Variants in CCDC30 observed in about 807,000 individuals in gnomAD.
CCDC30 encodes coiled-coil domain containing 30, also known as coiled-coil domain-containing protein 30.
A neutral mutation model predicts 100.2 loss-of-function variants in CCDC30; 70 were observed. That is an observed-to-expected ratio of 0.70 (90% CI 0.58 to 0.85). CCDC30 has a LOEUF of 0.85. Among genes scored for constraint, CCDC30 ranks in the 40% least tolerant of loss-of-function variants. The probability of loss-of-function intolerance (pLI) is 0.00; values close to 1 mark genes in which losing one functional copy is unlikely to be tolerated. For missense variants in CCDC30, 652 were observed against 771.2 expected, an observed-to-expected ratio of 0.85 and a Z score of 1.83; for synonymous variants, 233 against 269.5, an observed-to-expected ratio of 0.86 and a Z score of 1.33.
chr1:42,525,553 A>G (rs1315983394), intron 6 of CCDC30, among the ~76,000 whole-genome samples: 2 of 152,042 alleles, frequency 1.3e-5, no homozygotes, highest in Non-Finnish European at 2.9e-5. Context: ...GTCTGTTTCT[A>G]TTCACTGATT....
Position 42,506,911 on chromosome 1 carries a change from C to T in CCDC30, c.456+7995C>T, listed in dbSNP as rs546971854. Reference sequence around the variant, plus strand: ...ATCCTGTTCAAAGCCAAAATTTATCCTTGCATTGGTTTAATGTTAACCCCA... The same window carrying T: ...ATCCTGTTCAAAGCCAAAATTTATCTTTGCATTGGTTTAATGTTAACCCCA... On this transcript the variant is annotated intron_variant, in intron 6 of 16. Coordinates refer to ENST00000668663, the Ensembl canonical transcript of CCDC30. Among the ~76,000 whole-genome samples, 11 of 152,228 alleles carry T rather than the reference C, an allele frequency of 7.2e-5. 2 individuals are homozygous for T. The South Asian group carries it at 2.3e-3, about 32-fold the overall frequency.
chr1:42,496,205 ATGT>A (rs1307897257), intron 4 of CCDC30, among the ~76,000 whole-genome samples: 2 of 151,214 alleles, frequency 1.3e-5, no homozygotes, highest in South Asian at 4.2e-4. Context: ...TATGGCAGTA[ATGT>A]TGTGAAGATA....
At chr1:42,548,372 G>A (rs1645185379) in intron 6 of CCDC30, among the ~76,000 whole-genome samples, 1 of 152,134 alleles carries the variant, frequency 6.6e-6, no homozygotes, top group South Asian at 2.1e-4. Flanking sequence ...ATCCAGGGTT[G>A]GGGTTTTGCC....
At chr1:42,622,557 C>T (rs1012224971) in intron 11 of CCDC30, among the ~76,000 whole-genome samples, 1 of 152,056 alleles carries the variant, frequency 6.6e-6, no homozygotes. Flanking sequence ...AACTCTGCCT[C>T]CCAGGTTCAA....
chr1:42,608,225 G>A (rs1249826419), intron 10 of CCDC30, among the ~76,000 whole-genome samples: 2 of 152,168 alleles, frequency 1.3e-5, no homozygotes, highest in African/African-American at 2.4e-5. Context: ...CATCACACAC[G>A]GTACTCTATG....
intron 8 of CCDC30, among the ~76,000 whole-genome samples, chr1:42,578,437 A>C (rs2809652): frequency 6.6e-6 from 1 of 152,002 alleles, no homozygotes; most frequent in Admixed American, 6.6e-5. Context: ...GGGGAAGTAG[A>C]TACACAAGTC....
At chr1:42,588,464 A>G (rs1213881676) in intron 9 of CCDC30, among the ~76,000 whole-genome samples, 1 of 152,176 alleles carries the variant, frequency 6.6e-6, no homozygotes, top group Non-Finnish European at 1.5e-5. Context: ...TTATATACCC[A>G]TTTCCAGGGG....
Position 42,566,263 on chromosome 1 carries a change from G to T in CCDC30, c.457-33G>T, listed in dbSNP as rs764981707. On this transcript the variant is annotated intron_variant, in intron 6 of 16. Coordinates refer to ENST00000668663, the Ensembl canonical transcript of CCDC30. ...TGTTTTACCAATATTCTTTCCAATT[G>T]TCTGTGTTTCTCTTTTAAAATGTTT... is the stretch of plus-strand genomic sequence containing the variant. 6 of 1,539,252 alleles carry T rather than the reference G, an allele frequency of 3.9e-6. No homozygotes were observed. The Admixed American group carries it at 8.7e-5, about 22-fold the overall frequency.
intron 6 of CCDC30, among the ~76,000 whole-genome samples, chr1:42,563,619 G>C (rs924537848): frequency 1.3e-5 from 2 of 152,128 alleles, no homozygotes; most frequent in African/African-American, 4.8e-5. Context: ...GCTGGCTCAC[G>C]CCTGTAATCC....
chr1:42,478,175 G>T (rs912078243), intron 1 of CCDC30, among the ~76,000 whole-genome samples: 1 of 152,192 alleles, frequency 6.6e-6, no homozygotes, highest in African/African-American at 2.4e-5. Flanking sequence ...CAGCTAACAT[G>T]ATCTGATTCA....
intron 6 of CCDC30, 109 bp from the exon 8 acceptor site, chr1:42,539,064 C>A: frequency 1.1e-6 from 1 of 889,418 alleles, no homozygotes; most frequent in Non-Finnish European, 1.6e-6. Flanking sequence ...ATATTTAAAA[C>A]AAAAAATTTG....
intron 11 of CCDC30, among the ~76,000 whole-genome samples, chr1:42,621,725 A>G (rs569535111): frequency 1.8e-4 from 28 of 151,986 alleles, no homozygotes; most frequent in African/African-American, 5.6e-4. Flanking sequence ...GTTAGCCAGG[A>G]TGGTCGCGAT....
intron 6 of CCDC30, among the ~76,000 whole-genome samples, chr1:42,509,901 C>G: frequency 6.6e-6 from 1 of 152,148 alleles, no homozygotes; most frequent in South Asian, 2.1e-4. Flanking sequence ...AACTTTTACC[C>G]TTTTGCCAGT....
At chr1:42,510,417 G>A (rs1644458998) in intron 6 of CCDC30, among the ~76,000 whole-genome samples, 1 of 152,114 alleles carries the variant, frequency 6.6e-6, no homozygotes, top group Admixed American at 6.5e-5. Flanking sequence ...CCAGCACTTT[G>A]GGGGGCCAAG....
chr1:42,482,756 G>A, exon 3 of CCDC30: 3 of 1,234,066 alleles, frequency 2.4e-6, no homozygotes, highest in East Asian at 3.2e-5. Context: ...GGTGGCTCAT[G>A]AAGAGATTCA....
chr1:42,542,085 G>A (rs1458093118), intron 6 of CCDC30, among the ~76,000 whole-genome samples: 2 of 152,160 alleles, frequency 1.3e-5, no homozygotes, highest in African/African-American at 2.4e-5. Context: ...CTTAAACATG[G>A]CTGATTATTA....
chr1:42,582,078 AAAT>A (rs1384757496), intron 9 of CCDC30, among the ~76,000 whole-genome samples: 4 of 150,532 alleles, frequency 2.7e-5, no homozygotes, highest in African/African-American at 9.9e-5. Context: ...AAAAAAAAAA[AAAT>A]GATCCAGGCA....
At chr1:42,539,340 A>G in intron 6 of CCDC30, 30 bp downstream of exon 8, 1 of 1,560,194 alleles carries the variant, frequency 6.4e-7, no homozygotes, top group Non-Finnish European at 8.7e-7. Context: ...TTAAATGTTC[A>G]ATATTTAATG....
At chr1:42,456,187 G>A in the CCDC30 span, 1 of 593,938 alleles carries the variant, frequency 1.7e-6, no homozygotes. Context: ...AGAAAAAGCA[G>A]CACAAAACCC....
Sources: allele counts gnomAD v4.1 joint callset (sites outside exome capture counted in the v4.1 genomes callset), GRCh38; gene constraint gnomAD v4.1.1; transcripts MANE v1.5; gene names NCBI Gene and HGNC (gene_info 2026-07-23, HGNC 2026-07-21).